MYH14: variants seen among roughly 807,000 people sequenced by gnomAD.
MYH14 encodes myosin-14.
MYH14 carries 123 observed loss-of-function variants against 255.5 expected under a neutral mutation model. The observed-to-expected ratio is 0.48, with a 90% CI of 0.42 to 0.56. The LOEUF (loss-of-function observed/expected upper bound fraction) is 0.56. Among genes scored for constraint, MYH14 ranks in the 20% least tolerant of loss-of-function variants. The pLI is 0.00. For synonymous variants in MYH14, 1,095 were observed against 1,161.2 expected (o/e 0.94, Z 1.16); for missense variants, 2,423 against 2,802.3 (o/e 0.86, Z 3.06).
At position 50,259,257 on chromosome 19, in the gene MYH14, C is replaced by A; in HGVS notation, c.2346C>A (p.Phe782Leu). 1 of 1,579,902 alleles carries A rather than the reference C, an allele frequency of 6.3e-7. No homozygotes were observed. ...GFPNRILFQE[F>L]RQRYEILTPN... is the part of the protein sequence containing the mutation. ...CCAACCGCATCCTCTTCCAGGAGTTCCGGCAGCGGTGAGCTAGAGCGAGGG... is the reference window on the plus strand; with the variant it reads ...CCAACCGCATCCTCTTCCAGGAGTTACGGCAGCGGTGAGCTAGAGCGAGGG... Residue 782 changes from phenylalanine (F) to leucine (L), a missense_variant, in exon 19 of 43, where the codon TTC becomes TTA. Around this residue, in one of 3 missense-constraint regions of MYH14, gnomAD observed 672 missense variants for 881.8 expected, o/e 0.76. Transcript: ENST00000642316.
chr19:50,207,312 A>AGAGAGAGG (rs1438345270), intron 1 of MYH14, among the ~76,000 whole-genome samples: 13 of 148,248 alleles, frequency 8.8e-5, no homozygotes, highest in Non-Finnish European at 1.8e-4. Flanking sequence ...AGAGAGAGAG[A>AGAGAGAGG]GACTAGGGGC....
intron 2 of MYH14, among the ~76,000 whole-genome samples, chr19:50,215,393 G>A (rs1035420540): frequency 7.9e-5 from 12 of 152,222 alleles, no homozygotes; most frequent in Non-Finnish European, 1.8e-4. Flanking sequence ...CCAGCAAACC[G>A]GTTGTTCTGC....
Position 50,221,388 on chromosome 19 carries a change from C to T in MYH14, c.563-1695C>T, listed in dbSNP as rs755711868. 4.6e-5 allele frequency among the ~76,000 whole-genome samples: 7 copies of T among 152,216 alleles called. No individual in the cohort carries two copies. Among genetic ancestry groups the T allele is most frequent in the East Asian group, 1.9e-4 (1 of 5,180 alleles). Reference sequence around the variant, plus strand: ...CTGCCAAGTCTGAGGTCCTACTGGACGCAGCTTACTCCCTGGCTTGAAGAC... The same window carrying T: ...CTGCCAAGTCTGAGGTCCTACTGGATGCAGCTTACTCCCTGGCTTGAAGAC... On this transcript the variant is annotated intron_variant, in intron 3 of 42. Transcript: ENST00000642316. The surrounding 1 kb of genome is among the most constrained non-coding windows in gnomAD (Gnocchi z 5.3).
chr19:50,309,501 A>C (rs1601082525), intron 42 of MYH14, 139 bp from the exon 43 acceptor site: 12 of 617,670 alleles, frequency 1.9e-5, no homozygotes, highest in Admixed American at 5.3e-5. Flanking sequence ...TCTTGATCTC[A>C]TCCCTCTCTT....
rs776316244 is a variant in MYH14, at chr19:50,210,796, C to G, written c.405+26C>G. ...GTGAGTGGGCTCCTGCTGGGGGGCG[C>G]GTGCGGCGGAGTTGCTGCCGGTTGG... is the stretch of plus-strand genomic sequence containing the variant. On this transcript the variant is annotated intron_variant, in intron 2 of 42. Transcript: ENST00000642316. 4 of 1,537,254 alleles carry G rather than the reference C, an allele frequency of 2.6e-6. No individual in the cohort carries two copies. In the African/African-American group the frequency reaches 5.6e-5, roughly 21 times the overall value.
intron 18 of MYH14, 125 bp from the exon 19 acceptor site, chr19:50,259,019 C>T: frequency 7.6e-7 from 1 of 1,311,158 alleles, no homozygotes; most frequent in East Asian, 2.5e-5. Flanking sequence ...GGGCCTAGAA[C>T]CGTTCCTAGG....
At position 50,276,431 on chromosome 19, in the gene MYH14, A is replaced by G. The variant is rs960821613; in HGVS notation, c.3680+228A>G. On this transcript the variant is annotated intron_variant, in intron 28 of 42. Coordinates refer to ENST00000642316, the MANE Select transcript of MYH14 (RefSeq NM_001145809.2). The surrounding 1 kb of genome is among the most constrained non-coding windows in gnomAD (Gnocchi z 4.3). ...GGGGAGGCAGATTCAGGCAAAGACAATCTCAACCCAGAACAAGGGGTGCTT... is the reference window on the plus strand; with the variant it reads ...GGGGAGGCAGATTCAGGCAAAGACAGTCTCAACCCAGAACAAGGGGTGCTT... Among the ~76,000 whole-genome samples the G allele has an allele frequency of 1.3e-5, 2 of 152,130 alleles. No individual in the cohort carries two copies. Among genetic ancestry groups the G allele is most frequent in the African/African-American group, 2.4e-5 (1 of 41,440 alleles).
At chr19:50,215,092 A>C (rs1236166405) in intron 2 of MYH14, among the ~76,000 whole-genome samples, 1 of 152,080 alleles carries the variant, frequency 6.6e-6, no homozygotes, top group Non-Finnish European at 1.5e-5. Context: ...GGGCTTCCCC[A>C]GCTGTCTCCC....
intron 39 of MYH14, among the ~76,000 whole-genome samples, 192 bp from the exon 40 acceptor site, chr19:50,301,469 C>T (rs577450563): frequency 6.6e-5 from 10 of 152,264 alleles, no homozygotes; most frequent in Admixed American, 4.6e-4. Flanking sequence ...GCTGGCAGTG[C>T]TGTGGGTGAC....
At chr19:50,285,987 C>CA (rs1220338327) in intron 33 of MYH14, 1 of 152,464 alleles carries the variant, frequency 6.6e-6, no homozygotes, top group East Asian at 1.9e-4. Flanking sequence ...ACTGCCTCTT[C>CA]ACCCATTGTA....
intron 1 of MYH14, among the ~76,000 whole-genome samples, chr19:50,204,989 T>G (rs1465528438): frequency 2.0e-5 from 3 of 151,930 alleles, no homozygotes; most frequent in African/African-American, 7.3e-5. Flanking sequence ...CTTATCACCA[T>G]GTAGTCTTTA....
In MYH14 at chr19:50,276,650, C is replaced by T. The variant is rs970245518; in HGVS notation, c.3681-107C>T. The T allele has an allele frequency of 1.4e-6, 2 of 1,410,634 alleles. No individual in the cohort carries two copies. Among genetic ancestry groups the T allele is most frequent in the Non-Finnish European group, 2.0e-6 (2 of 1,003,104 alleles). The allele number at this position is 1,410,634 out of a possible 1,614,324, so 87.4% of individuals were successfully genotyped here. On this transcript the variant is annotated intron_variant, in intron 28 of 42. Coordinates refer to ENST00000642316, the MANE Select transcript of MYH14 (RefSeq NM_001145809.2). The surrounding 1 kb of genome is among the most constrained non-coding windows in gnomAD (Gnocchi z 4.3). ...ATCTCCTGAGGAGCATAACATGAGG[C>T]CCTCATATTTTAAGGAAACATGAAA... is the stretch of plus-strand genomic sequence containing the variant.
In MYH14 at chr19:50,260,656, C is replaced by T; in HGVS notation, c.2365C>T (p.Leu789=). The change falls in exon 20 of 43, where the codon CTG becomes TTG. Residue 789 remains leucine (L), a synonymous_variant. Transcript: ENST00000642316. ...FQEFRQRYEI[L]TPNAIPKGFM... is the part of the protein sequence containing the mutation. ...CCCTGCTCATTGCAGATACGAGATC[C>T]TGACACCCAATGCCATCCCCAAGGG... The T allele has an allele frequency of 6.2e-7, 1 of 1,613,248 alleles. No individual in the cohort carries two copies. Among genetic ancestry groups the T allele is most frequent in the South Asian group, 1.1e-5 (1 of 91,030 alleles).
chr19:50,234,874 C>G (rs2033586068), intron 10 of MYH14, among the ~76,000 whole-genome samples: 1 of 152,220 alleles, frequency 6.6e-6, no homozygotes, highest in Admixed American at 6.5e-5. Flanking sequence ...GTTGTACTGA[C>G]AAAACCAAGC....
intron 32 of MYH14, among the ~76,000 whole-genome samples, chr19:50,281,147 G>C (rs788330): frequency 6.6e-6 from 1 of 151,996 alleles, no homozygotes. Context: ...GTGATGGTAC[G>C]TGCCTGCAGA....
At chr19:50,308,745 A>C in intron 41 of MYH14, 1 of 447,530 alleles carries the variant, frequency 2.2e-6, no homozygotes, top group Non-Finnish European at 4.0e-6. Flanking sequence ...GATTGTGAGC[A>C]GGAGGGTCTG....
intron 16 of MYH14, among the ~76,000 whole-genome samples, chr19:50,253,420 G>T (rs1306283060): frequency 6.6e-6 from 1 of 150,428 alleles, no homozygotes; most frequent in Non-Finnish European, 1.5e-5. Flanking sequence ...TCCAGCCTGG[G>T]TGACAGTGTG....
At chr19:50,214,508 G>A (rs571998979) in intron 2 of MYH14, among the ~76,000 whole-genome samples, 10 of 152,128 alleles carry the variant, frequency 6.6e-5, no homozygotes, top group Middle Eastern at 3.4e-3. Flanking sequence ...AGAACACCCC[G>A]CTCTGAGAAA....
chr19:50,308,834 A>G (rs998904572), intron 41 of MYH14, 171 bp from the exon 42 acceptor site: 2 of 671,772 alleles, frequency 3.0e-6, no homozygotes, highest in Admixed American at 3.0e-5. Context: ...AGGTCAGGGT[A>G]GAGGCTGGCA....
Sources: allele counts gnomAD v4.1 joint callset (sites outside exome capture counted in the v4.1 genomes callset), GRCh38; gene constraint gnomAD v4.1.1; regional missense constraint gnomAD v4.1.1; non-coding constraint Gnocchi (gnomAD v3.1); transcripts MANE v1.5; gene names NCBI Gene and HGNC (gene_info 2026-07-23, HGNC 2026-07-21).